The following CCDC125 variants were observed in gnomAD, a reference collection of about 807,000 sequenced individuals.
The protein encoded by CCDC125 is coiled-coil domain-containing protein 125.
Under a neutral mutation model 57.4 loss-of-function variants are expected in CCDC125, and 43 were observed. That is an observed-to-expected ratio of 0.75 (90% CI 0.59 to 0.97). The LOEUF is 0.97. Among genes scored for constraint, CCDC125 ranks in the 50% least tolerant of loss-of-function variants. The pLI is 0.00. For missense variants in CCDC125, 563 were observed against 595.7 expected (o/e 0.95, Z 0.57); for synonymous variants, 187 against 195.2 (o/e 0.96, Z 0.35).
In CCDC125 at chr5:69,308,002, A is replaced by T. The variant is rs780714454; in HGVS notation, c.480T>A (p.His160Gln). The change falls in exon 5 of 12, where the codon CAT (histidine) becomes CAA (glutamine). Residue 160 changes from histidine to glutamine, a missense_variant. Physicochemically the swap from His to Gln is conservative, Grantham distance 24. Transcript: ENST00000396496. ...SMAILGKATS[H>Q]TQAVLQKTME... ...TAGTTTTTTGAAGCACTGCCTGCGT[A>T]TGACTTGTGGCTTTGCCCAGTATTG... 1 of 1,614,054 alleles carries T rather than the reference A, an allele frequency of 6.2e-7. No individual in the cohort carries two copies. The highest frequency in any genetic ancestry group is 1.7e-5 in the Admixed American group (1 of 60,018).
chr5:69,299,739 A>G (rs895640319), intron 8 of CCDC125, among the ~76,000 whole-genome samples: 6 of 152,240 alleles, frequency 3.9e-5, no homozygotes, highest in African/African-American at 7.2e-5. Context: ...CATGTGAGAC[A>G]TTACCCAACA....
chr5:69,286,331 G>A (rs370500660), intron 10 of CCDC125, among the ~76,000 whole-genome samples: 54 of 148,000 alleles, frequency 3.6e-4, no homozygotes, highest in Admixed American at 1.2e-3. Context: ...TCCCGGGTTC[G>A]CGCCATTCTC....
chr5:69,286,386 C>T (rs1007719248), intron 10 of CCDC125, among the ~76,000 whole-genome samples: 4 of 151,108 alleles, frequency 2.6e-5, no homozygotes, highest in East Asian at 1.9e-4. Flanking sequence ...CGCCCGCCAC[C>T]ACGTCCGGCT....
chr5:69,304,341 G>T (rs1004414913), intron 6 of CCDC125, among the ~76,000 whole-genome samples: 7 of 151,856 alleles, frequency 4.6e-5, no homozygotes, highest in African/African-American at 1.7e-4. Context: ...CTGACCTCAA[G>T]TGATCAGCCC....
At chr5:69,330,606 T>C (rs183671858) in intron 1 of CCDC125, among the ~76,000 whole-genome samples, 1 of 151,450 alleles carries the variant, frequency 6.6e-6, no homozygotes, top group African/African-American at 2.4e-5. Context: ...AAAAAAAAAT[T>C]CACTATCCTC....
At chr5:69,279,341 T>C (rs776166240), downstream of CCDC125, among the ~76,000 whole-genome samples, 80 of 71,672 alleles carry the variant, frequency 1.1e-3, no homozygotes, top group South Asian at 2.8e-3. Context: ...GGACTACAGG[T>C]GCCCGCCACC....
intron 1 of CCDC125, among the ~76,000 whole-genome samples, chr5:69,329,456 G>A (rs1761139551): frequency 6.6e-6 from 1 of 150,850 alleles, no homozygotes; most frequent in African/African-American, 2.4e-5. Flanking sequence ...CCAAAGTGCT[G>A]AGATTACAGG....
chr5:69,326,251 T>A (rs932494994), intron 1 of CCDC125, among the ~76,000 whole-genome samples: 1 of 152,212 alleles, frequency 6.6e-6, no homozygotes, highest in Non-Finnish European at 1.5e-5. Context: ...CAAGTTTCTA[T>A]TATTTATGAC....
At chr5:69,295,600 A>C (rs911042054) in intron 8 of CCDC125, among the ~76,000 whole-genome samples, 18 of 152,164 alleles carry the variant, frequency 1.2e-4, no homozygotes, top group African/African-American at 4.3e-4. Context: ...TTCTGCTTCC[A>C]TCACTGACCT....
At chr5:69,303,132 A>G (rs1158889756) in intron 7 of CCDC125, among the ~76,000 whole-genome samples, 1 of 152,070 alleles carries the variant, frequency 6.6e-6, no homozygotes, top group African/African-American at 2.4e-5. Flanking sequence ...CAATCCTCCC[A>G]CTTCAACCTC....
At chr5:69,299,351 C>T (rs1755976180) in intron 8 of CCDC125, among the ~76,000 whole-genome samples, 3 of 152,088 alleles carry the variant, frequency 2.0e-5, no homozygotes, top group Admixed American at 6.6e-5. Flanking sequence ...CCTTGTGATC[C>T]GCCCGCCTCG....
intron 2 of CCDC125, 52 bp from the exon 3 acceptor site, chr5:69,314,098 A>G (rs776175939): frequency 8.3e-7 from 1 of 1,198,672 alleles, no homozygotes; most frequent in Non-Finnish European, 1.2e-6. Context: ...TGAATATTTT[A>G]ACTAATTAAA....
intron 1 of CCDC125, among the ~76,000 whole-genome samples, chr5:69,321,386 A>G (rs941398556): frequency 6.6e-6 from 1 of 152,190 alleles, no homozygotes; most frequent in Non-Finnish European, 1.5e-5. Flanking sequence ...GTGTCACCTA[A>G]TGATGGGAAT....
chr5:69,308,253 A>G, intron 4 of CCDC125: 1 of 570,776 alleles, frequency 1.8e-6, no homozygotes, highest in South Asian at 2.1e-5. Flanking sequence ...TTTTCCACAC[A>G]AAGAAAGTGT....
At chr5:69,296,378 C>A (rs1001171475) in intron 8 of CCDC125, among the ~76,000 whole-genome samples, 2 of 151,694 alleles carry the variant, frequency 1.3e-5, no homozygotes, top group Non-Finnish European at 2.9e-5. Context: ...ATGGTGAAAT[C>A]CCATCTCTAC....
At chr5:69,310,868 G>T (rs1282538665) in intron 4 of CCDC125, 3 of 210,522 alleles carry the variant, frequency 1.4e-5, no homozygotes, top group African/African-American at 7.0e-5. Context: ...TCCCTTTTCT[G>T]GTGTTGGAAA....
At chr5:69,312,086 G>C (rs1309795473) in intron 3 of CCDC125, among the ~76,000 whole-genome samples, 1 of 152,100 alleles carries the variant, frequency 6.6e-6, no homozygotes, top group African/African-American at 2.4e-5. Context: ...CCTTATGTAG[G>C]GACTCAAGGT....
At chr5:69,277,761 C>G (rs1392299451), downstream of CCDC125, among the ~76,000 whole-genome samples, 1 of 136,612 alleles carries the variant, frequency 7.3e-6, no homozygotes, top group Non-Finnish European at 1.5e-5. Context: ...CAGGGCAAGA[C>G]ACAGTCTCAA....
rs111417600 is a variant in CCDC125 at position 69,320,398 on chromosome 5, G to C, written c.143C>G (p.Ser48Cys). 898 of 1,613,948 alleles carry C rather than the reference G, an allele frequency of 5.6e-4. 14 individuals carry two copies. The African/African-American group carries it at 9.3e-3, about 17-fold the overall frequency. Residue 48 changes from serine (S) to cysteine (C), a missense_variant, in exon 2 of 12, where the codon TCT becomes TGT. Ser to Cys is a moderately radical substitution (Grantham distance 112). Transcript: ENST00000396496. The stretch of plus-strand genomic sequence containing the variant: ...GTTCTTTCCATCTGATCTTTTTCTA[G>C]ACCTATGTGAAAATTCTATTTCATA... ...GIYEIEFSHRSRKRSDGKNFS... is the reference protein window; with the variant it reads ...GIYEIEFSHRCRKRSDGKNFS...
Sources: gnomAD v4.1 joint callset for allele counts (sites outside exome capture counted in the v4.1 genomes callset) on GRCh38, gnomAD v4.1.1 for gene constraint, MANE v1.5 for transcripts, NCBI Gene and HGNC (gene_info 2026-07-23, HGNC 2026-07-21) for gene names.